The following RFX3 variants were observed in gnomAD, a reference collection of about 807,000 sequenced individuals.
RFX3 encodes transcription factor RFX3.
Under a neutral mutation model 98.6 loss-of-function variants are expected in RFX3, and 14 were observed. That is an observed-to-expected ratio of 0.14 (90% CI 0.09 to 0.22). RFX3 has a LOEUF of 0.22. Among genes scored for constraint, RFX3 ranks in the 10% least tolerant of loss-of-function variants. RFX3 has a pLI of 1.00. For missense variants in RFX3, 639 were observed against 926.9 expected (o/e 0.69, Z 4.03); for synonymous variants, 383 against 328.4 (o/e 1.17, Z -1.80).
chr9:3,448,026 C>T (rs1846202871), intron 1 of RFX3, among the ~76,000 whole-genome samples: 1 of 152,074 alleles, frequency 6.6e-6, no homozygotes, highest in Non-Finnish European at 1.5e-5. Context: ...GGAAAAATGG[C>T]CAGCCTAGAG....
intron 1 of RFX3, among the ~76,000 whole-genome samples, chr9:3,504,148 T>A (rs192282021): frequency 2.3e-4 from 27 of 116,828 alleles, no homozygotes; most frequent in African/African-American, 1.2e-3. Context: ...TTATATATTA[T>A]ACATATTATA....
intron 15 of RFX3, among the ~76,000 whole-genome samples, chr9:3,243,330 C>CAA (rs34599472): frequency 0.73 from 106,352 of 146,568 alleles, 40,355 homozygotes; most frequent in East Asian, 0.85. Flanking sequence ...ATCATTTAGG[C>CAA]AAAAAAAAAA....
At chr9:3,398,528 C>G (rs866446845) in intron 1 of RFX3, among the ~76,000 whole-genome samples, 5 of 152,172 alleles carry the variant, frequency 3.3e-5, no homozygotes, top group Admixed American at 6.5e-5. Flanking sequence ...CCTCTCTTGT[C>G]AACTCCAAGA....
At chr9:3,242,416 T>TC (rs1198880716) in intron 15 of RFX3, among the ~76,000 whole-genome samples, 1 of 152,172 alleles carries the variant, frequency 6.6e-6, no homozygotes, top group African/African-American at 2.4e-5. Flanking sequence ...TTTTTTTTTT[T>TC]CCTGCAAACT....
chr9:3,318,486 C>G (rs571299741), intron 4 of RFX3, among the ~76,000 whole-genome samples: 1 of 149,040 alleles, frequency 6.7e-6, no homozygotes, highest in Non-Finnish European at 1.5e-5. Flanking sequence ...GAAACATGTA[C>G]GTTGTGCACA....
At chr9:3,334,441 C>G (rs576778078) in intron 3 of RFX3, among the ~76,000 whole-genome samples, 1 of 152,230 alleles carries the variant, frequency 6.6e-6, no homozygotes, top group African/African-American at 2.4e-5. Flanking sequence ...TTTGGGCCTG[C>G]CCTCTTTGTA....
chr9:3,302,482 C>A (rs1438150348), intron 4 of RFX3, among the ~76,000 whole-genome samples: 1 of 151,704 alleles, frequency 6.6e-6, no homozygotes, highest in East Asian at 1.9e-4. Context: ...AGGTACTGAA[C>A]ACCATGTATT....
chr9:3,404,458 A>G (rs761320490), intron 1 of RFX3, among the ~76,000 whole-genome samples: 7 of 152,142 alleles, frequency 4.6e-5, no homozygotes, highest in Non-Finnish European at 1.0e-4. Context: ...AAACAGTTCC[A>G]CTGGTACTTA....
At chr9:3,470,930 ATCTCTGGCTATTTCTTT>A (rs1445715242) in intron 1 of RFX3, among the ~76,000 whole-genome samples, 24 of 152,186 alleles carry the variant, frequency 1.6e-4, no homozygotes, top group Non-Finnish European at 2.9e-4. Flanking sequence ...CAGATAAAAA[ATCTCTGGCTATTTCTTT>A]TCTAACTTTC....
At chr9:3,470,944 C>A (rs1193596425) in intron 1 of RFX3, among the ~76,000 whole-genome samples, 9 of 152,110 alleles carry the variant, frequency 5.9e-5, no homozygotes, top group Admixed American at 6.5e-5. Context: ...CTGGCTATTT[C>A]TTTTCTAACT....
chr9:3,354,199 G>T (rs1186427793), intron 2 of RFX3, among the ~76,000 whole-genome samples: 3 of 151,932 alleles, frequency 2.0e-5, no homozygotes, highest in Non-Finnish European at 2.9e-5. Context: ...CTCAGACAGA[G>T]AAGTAACAGA....
intron 11 of RFX3, among the ~76,000 whole-genome samples, chr9:3,266,634 C>T (rs1432125801): frequency 6.6e-6 from 1 of 151,944 alleles, no homozygotes; most frequent in East Asian, 1.9e-4. Flanking sequence ...AAAAACACTC[C>T]TTTCATTAAC....
intron 2 of RFX3, among the ~76,000 whole-genome samples, chr9:3,376,510 G>T (rs191337756): frequency 9.9e-5 from 15 of 152,220 alleles, no homozygotes; most frequent in African/African-American, 3.4e-4. Flanking sequence ...TAACATGGAT[G>T]AACTCCCAAA....
At chr9:3,390,855 T>C (rs1321566542) in intron 2 of RFX3, among the ~76,000 whole-genome samples, 1 of 152,184 alleles carries the variant, frequency 6.6e-6, no homozygotes, top group African/African-American at 2.4e-5. Flanking sequence ...GTCTCATGTA[T>C]GTCTTTATTA....
At chr9:3,512,286 T>C (rs1817734280) in intron 1 of RFX3, among the ~76,000 whole-genome samples, 2 of 152,034 alleles carry the variant, frequency 1.3e-5, no homozygotes, top group South Asian at 2.1e-4. Flanking sequence ...TTTCAAATTA[T>C]ATAGCTTTAG....
chr9:3,294,996 C>G (rs563468147), intron 5 of RFX3, among the ~76,000 whole-genome samples: 1 of 151,974 alleles, frequency 6.6e-6, no homozygotes, highest in South Asian at 2.1e-4. Flanking sequence ...CAAAATAATT[C>G]TTTTGTTATG....
intron 3 of RFX3, among the ~76,000 whole-genome samples, chr9:3,335,813 A>T (rs1214283925): frequency 2.0e-5 from 3 of 152,140 alleles, no homozygotes; most frequent in Non-Finnish European, 2.9e-5. Context: ...AAATGTCAGG[A>T]CTCTGATTCA....
chr9:3,267,054 G>C (rs1180951200), intron 11 of RFX3, among the ~76,000 whole-genome samples: 1 of 151,952 alleles, frequency 6.6e-6, no homozygotes, highest in Non-Finnish European at 1.5e-5. Flanking sequence ...ATAATGAGAA[G>C]CATCTTCAGT....
At chr9:3,451,862 G>A (rs945251324) in intron 1 of RFX3, among the ~76,000 whole-genome samples, 5 of 147,858 alleles carry the variant, frequency 3.4e-5, no homozygotes. Flanking sequence ...ATCTGCTACT[G>A]ACTTTGGCTT....
Sources: allele counts gnomAD v4.1 joint callset (sites outside exome capture counted in the v4.1 genomes callset), GRCh38; gene constraint gnomAD v4.1.1; transcripts MANE v1.5; gene names NCBI Gene and HGNC (gene_info 2026-07-23, HGNC 2026-07-21).